The following MYO10 variants were observed in gnomAD, a reference collection of about 807,000 sequenced individuals.
The protein encoded by MYO10 is unconventional myosin-X.
In MYO10, 133 loss-of-function variants were observed where a neutral mutation model predicts 257.3. The observed-to-expected ratio is 0.52, with a 90% CI of 0.45 to 0.60. The LOEUF is 0.60. Among genes scored for constraint, MYO10 ranks in the 20% least tolerant of loss-of-function variants. MYO10 has a pLI of 0.00. For synonymous variants in MYO10, 1,104 were observed against 1,028.6 expected (o/e 1.07, Z -1.40); for missense variants, 2,399 against 2,635.7 (o/e 0.91, Z 1.97).
chr5:16,701,432 T>C lies in MYO10; in HGVS notation c.2963A>G (p.Tyr988Cys). The C allele has an allele frequency of 6.2e-7, 1 of 1,613,996 alleles. No individual in the cohort carries two copies. The highest frequency in any genetic ancestry group is 1.1e-5 in the South Asian group (1 of 91,090). The change falls in exon 25 of 41, where the codon TAC becomes TGC. Residue 988 changes from tyrosine (Y) to cysteine (C), a missense_variant. Around this residue, in one of 3 missense-constraint regions of MYO10, gnomAD observed 1,820 missense variants for 1,939.4 expected, o/e 0.94. Coordinates refer to ENST00000513610, the MANE Select transcript of MYO10 (RefSeq NM_012334.3). This position sits in a 1 kb window ranked among gnomAD's most constrained non-coding sequence, Gnocchi z 8.1. ...GCCCTCATCGACCTCCTCCTCTGGG[T>C]AGGGCTGGCTGAAGTTGAAGTTGGG... ...EKPNFNFSQP[Y>C]PEEEVDEGFE...
At chr5:16,703,274 CTCAT>C in intron 22 of MYO10, 116 bp from the exon 23 acceptor site, 1 of 748,602 alleles carries the variant, frequency 1.3e-6, no homozygotes, top group Non-Finnish European at 2.1e-6. Context: ...GAATGAGACT[CTCAT>C]TATGGAAACT....
At chr5:16,685,646 A>G in intron 29 of MYO10, 92 bp downstream of exon 29, 1 of 969,748 alleles carries the variant, frequency 1.0e-6, no homozygotes, top group East Asian at 2.6e-5. Context: ...ACTGTCTGGA[A>G]ATTCCCAATC....
intron 2 of MYO10, among the ~76,000 whole-genome samples, chr5:16,825,614 T>C (rs1742977600): frequency 6.6e-6 from 1 of 152,164 alleles, no homozygotes; most frequent in African/African-American, 2.4e-5. Flanking sequence ...TTGTCCCCAG[T>C]GCCCAGCCCT....
chr5:16,723,740 A>C (rs1034577796), intron 19 of MYO10, among the ~76,000 whole-genome samples: 7 of 152,236 alleles, frequency 4.6e-5, no homozygotes, highest in Non-Finnish European at 8.8e-5. Flanking sequence ...TGAATGGACA[A>C]AGAAACTACG....
chr5:16,816,713 T>C (rs1742626941), intron 3 of MYO10, among the ~76,000 whole-genome samples: 1 of 151,690 alleles, frequency 6.6e-6, no homozygotes, highest in African/African-American at 2.4e-5. Context: ...GTATTTTTAG[T>C]AGAGACGGGG....
At chr5:16,837,272 T>A (rs1253423597) in intron 2 of MYO10, among the ~76,000 whole-genome samples, 2 of 151,874 alleles carry the variant, frequency 1.3e-5, no homozygotes, top group African/African-American at 4.8e-5. Context: ...ATCACACCAT[T>A]GCACTTCAGC....
chr5:16,706,851 GA>G lies in MYO10; in HGVS notation c.2170-2167del, dbSNP rs1052907518. On this transcript the variant is annotated intron_variant, in intron 21 of 40. Transcript: ENST00000513610. ...CCAACCTAAAGGGCAAACAAATAGAGAAAATGCTTTTAGGGACCTGTCAGTT... is the reference window on the plus strand; with the variant it reads ...CCAACCTAAAGGGCAAACAAATAGAGAAATGCTTTTAGGGACCTGTCAGTT... Among the ~76,000 whole-genome samples the G allele has an allele frequency of 2.6e-5, 4 of 152,278 alleles. No homozygotes were observed. In the Middle Eastern group the frequency reaches 0.014, roughly 518 times the overall value.
At chr5:16,821,982 C>CAA (rs35589852) in intron 2 of MYO10, among the ~76,000 whole-genome samples, 1,777 of 144,506 alleles carry the variant, frequency 0.012, 18 homozygotes, top group African/African-American at 0.023. Context: ...ATGTGTATTT[C>CAA]AAAAAAAAAA....
intron 3 of MYO10, among the ~76,000 whole-genome samples, chr5:16,816,578 T>A (rs1417196452): frequency 1.3e-5 from 2 of 151,462 alleles, no homozygotes; most frequent in East Asian, 3.9e-4. Flanking sequence ...GTCGCCTGGT[T>A]GGAGTGCAGT....
intron 9 of MYO10, among the ~76,000 whole-genome samples, chr5:16,769,968 A>G (rs10064721): frequency 0.016 from 2,390 of 152,000 alleles, 50 homozygotes; most frequent in African/African-American, 0.054. Context: ...TGGGGGTCTC[A>G]TGTTGGCCAG....
At chr5:16,759,622 G>A (rs1455396484) in intron 17 of MYO10, among the ~76,000 whole-genome samples, 2 of 152,136 alleles carry the variant, frequency 1.3e-5, no homozygotes, top group Non-Finnish European at 2.9e-5. Flanking sequence ...CTTCACGCTG[G>A]CACAGAGGCA....
intron 4 of MYO10, among the ~76,000 whole-genome samples, chr5:16,793,990 T>C (rs1174187897): frequency 6.6e-6 from 1 of 151,812 alleles, no homozygotes; most frequent in Non-Finnish European, 1.5e-5. Context: ...ATAAAGGAGC[T>C]GATATTGGGG....
At chr5:16,858,469 A>G (rs183487461) in intron 2 of MYO10, among the ~76,000 whole-genome samples, 92 of 151,116 alleles carry the variant, frequency 6.1e-4, no homozygotes, top group Admixed American at 5.3e-3. Flanking sequence ...TCGAGGTTTA[A>G]TTTGCATGCA....
intron 1 of MYO10, among the ~76,000 whole-genome samples, chr5:16,918,182 G>A (rs1218909380): frequency 4.6e-5 from 7 of 152,182 alleles, no homozygotes; most frequent in African/African-American, 1.2e-4. Context: ...GAAAGAAACA[G>A]TTTCAAGTTT....
chr5:16,881,726 T>C (rs1437011622), intron 1 of MYO10, among the ~76,000 whole-genome samples: 1 of 152,186 alleles, frequency 6.6e-6, no homozygotes, highest in Non-Finnish European at 1.5e-5. Context: ...ACCCCAATCT[T>C]TCTACTTCCA....
chr5:16,919,262 G>A (rs1029294684), intron 1 of MYO10, among the ~76,000 whole-genome samples: 4 of 151,952 alleles, frequency 2.6e-5, no homozygotes, highest in Non-Finnish European at 5.9e-5. Context: ...CCTGTAATTC[G>A]AGCTATTCAG....
At chr5:16,770,135 G>A (rs1273377056) in intron 9 of MYO10, among the ~76,000 whole-genome samples, 1 of 152,136 alleles carries the variant, frequency 6.6e-6, no homozygotes, top group Non-Finnish European at 1.5e-5. Context: ...GCTTGGCTGA[G>A]GCAGGAGTAT....
In MYO10 at chr5:16,666,601, T is replaced by G; in HGVS notation, c.*91A>C. The G allele has an allele frequency of 3.7e-6, 4 of 1,084,634 alleles. No individual in the cohort carries two copies. The highest frequency in any genetic ancestry group is 1.5e-5 in the South Asian group (1 of 64,902). 67.2% of individuals were successfully genotyped at this position (1,084,634 alleles called of 1,614,324 possible). On this transcript the variant is annotated 3_prime_UTR_variant, in exon 41 of 41. Transcript: ENST00000513610. ...TCCAGAAAGCCTGGGCAGCTCTGTG[T>G]TTGTTTTGGCTGGGCATGGCACACT...
chr5:16,893,304 T>A (rs1270772148), intron 1 of MYO10, among the ~76,000 whole-genome samples: 2 of 152,078 alleles, frequency 1.3e-5, no homozygotes, highest in Non-Finnish European at 2.9e-5. Flanking sequence ...AATGCCTCTT[T>A]GGTCCTCTTG....
Sources: allele counts gnomAD v4.1 joint callset (sites outside exome capture counted in the v4.1 genomes callset), GRCh38; gene constraint gnomAD v4.1.1; regional missense constraint gnomAD v4.1.1; non-coding constraint Gnocchi (gnomAD v3.1); transcripts MANE v1.5; gene names NCBI Gene and HGNC (gene_info 2026-07-23, HGNC 2026-07-21).